CBFA2T2: variants seen among roughly 807,000 people sequenced by gnomAD.
CBFA2T2 encodes the protein protein CBFA2T2.
Under a neutral mutation model 62.2 loss-of-function variants are expected in CBFA2T2, and 11 were observed. The observed-to-expected ratio is 0.18, with a 90% CI of 0.11 to 0.29. The LOEUF (loss-of-function observed/expected upper bound fraction) is 0.29, where lower values mean the gene tolerates loss of function less well. Ranked by LOEUF, CBFA2T2 falls within the 10% of genes least tolerant of loss-of-function variation. CBFA2T2 has a pLI of 1.00. For missense variants in CBFA2T2, 592 were observed against 774.1 expected (o/e 0.76, Z 2.79); for synonymous variants, 295 against 287.5 (o/e 1.03, Z -0.27).
intron 1 of CBFA2T2, among the ~76,000 whole-genome samples, chr20:33,544,579 G>A (rs917356870): frequency 6.6e-6 from 1 of 151,632 alleles, no homozygotes; most frequent in Admixed American, 6.6e-5. Context: ...ATGGAGTCTC[G>A]CTCTGTCACC....
intron 3 of CBFA2T2, among the ~76,000 whole-genome samples, chr20:33,614,593 C>T (rs1395792022): frequency 6.6e-6 from 1 of 152,166 alleles, no homozygotes; most frequent in East Asian, 1.9e-4. Flanking sequence ...TGGCAATTAC[C>T]ATTCTACTTT....
rs183389044 is a variant in CBFA2T2, at chr20:33,548,463, C to T, written c.34+58162C>T. On this transcript the variant is annotated intron_variant, in intron 1 of 10. Coordinates refer to ENST00000342704, the MANE Select transcript of CBFA2T2 (RefSeq NM_001032999.3). Reference sequence around the variant, plus strand: ...TTCACCATGTTGGCCAGGCTGGTCTCGAACTCCTGACCTCAGGTGATCTGC... The same window carrying T: ...TTCACCATGTTGGCCAGGCTGGTCTTGAACTCCTGACCTCAGGTGATCTGC... Among the ~76,000 whole-genome samples, 726 of 151,350 alleles carry T rather than the reference C, an allele frequency of 4.8e-3. 9 individuals are homozygous for T. Among genetic ancestry groups the T allele is most frequent in the African/African-American group, 0.016 (667 of 41,242 alleles).
At chr20:33,603,295 C>G (rs749109954) in intron 1 of CBFA2T2, among the ~76,000 whole-genome samples, 1 of 152,132 alleles carries the variant, frequency 6.6e-6, no homozygotes, top group Non-Finnish European at 1.5e-5. Flanking sequence ...TTTATTCTTT[C>G]ATCTGTTTTC....
At chr20:33,558,508 G>T (rs1030142042) in intron 1 of CBFA2T2, among the ~76,000 whole-genome samples, 2 of 152,052 alleles carry the variant, frequency 1.3e-5, no homozygotes, top group Non-Finnish European at 2.9e-5. Context: ...AATCTGGATT[G>T]CTTGGACTAT....
intron 1 of CBFA2T2, among the ~76,000 whole-genome samples, chr20:33,530,084 G>T (rs747905631): frequency 4.0e-5 from 6 of 151,704 alleles, no homozygotes; most frequent in Admixed American, 2.0e-4. Context: ...ACCTCGCCTG[G>T]CCTATTTTAT....
intron 4 of CBFA2T2, 149 bp downstream of exon 4, chr20:33,619,755 A>G (rs1380767533): frequency 1.4e-5 from 8 of 571,432 alleles, no homozygotes; most frequent in Non-Finnish European, 3.0e-6. Context: ...GTTAACAGAT[A>G]AACGTCAGGT....
At chr20:33,614,512 A>G (rs1026283915) in intron 3 of CBFA2T2, among the ~76,000 whole-genome samples, 1 of 152,174 alleles carries the variant, frequency 6.6e-6, no homozygotes, top group Non-Finnish European at 1.5e-5. Context: ...ATCCATCTCC[A>G]AAACTCTTTT....
In CBFA2T2 at chr20:33,623,157, C is replaced by T. The variant is rs1026749986; in HGVS notation, c.553C>T (p.Arg185Trp). ...LLQRELLHCA[R>W]AAKQTPSQYL... ...GCAGCGGGAACTGCTGCACTGCGCT[C>T]GGGCGGCCAAGCAGACCCCATCCCA... The change falls in exon 5 of 11, where the codon CGG (arginine) becomes TGG (tryptophan). Residue 185 changes from arginine to tryptophan, a missense_variant. By Grantham distance (101) the Arg-to-Trp change is moderately radical (BLOSUM62 -3). This residue lies in a region of CBFA2T2 where 449 missense variants were observed against 551.2 expected (regional missense o/e 0.81). Coordinates refer to ENST00000342704, the MANE Select transcript of CBFA2T2 (RefSeq NM_001032999.3). 4.3e-6 allele frequency: 7 copies of T among 1,614,252 alleles called. No homozygotes were observed. The highest frequency in any genetic ancestry group is 3.3e-5 in the South Asian group (3 of 91,082).
intron 1 of CBFA2T2, among the ~76,000 whole-genome samples, chr20:33,596,919 G>GT (rs59278499): frequency 0.053 from 6,601 of 125,312 alleles, 295 homozygotes; most frequent in Admixed American, 0.15. Context: ...CTTGACCTCT[G>GT]TTTTTTTTTT....
chr20:33,640,222 C>T, intron 9 of CBFA2T2, 119 bp from the exon 10 acceptor site: 1 of 918,940 alleles, frequency 1.1e-6, no homozygotes. Context: ...TCATGTGTTC[C>T]TCCCTGTGGA....
intron 1 of CBFA2T2, among the ~76,000 whole-genome samples, chr20:33,492,771 A>G (rs532662316): frequency 6.6e-6 from 1 of 152,114 alleles, no homozygotes; most frequent in South Asian, 2.1e-4. Context: ...TCAGCCATCC[A>G]AATTGCTGGG....
At chr20:33,597,893 G>A (rs551826938) in intron 1 of CBFA2T2, among the ~76,000 whole-genome samples, 6 of 151,304 alleles carry the variant, frequency 4.0e-5, no homozygotes, top group South Asian at 2.1e-4. Context: ...CTTTAGCATC[G>A]GCCAGCTTGA....
chr20:33,624,807 C>A lies in CBFA2T2; in HGVS notation c.736C>A (p.Pro246Thr), dbSNP rs1434019047. ...SFDRDTIAPE[P>T]PAKRVCTISP... ...TGATAGAGACACAATTGCTCCTGAGCCTCCTGCCAAGAGAGTATGTACCAT... is the reference window on the plus strand; with the variant it reads ...TGATAGAGACACAATTGCTCCTGAGACTCCTGCCAAGAGAGTATGTACCAT... The change falls in exon 6 of 11, where the codon CCT (proline) becomes ACT (threonine). Residue 246 changes from proline (P) to threonine (T), a missense_variant. Coordinates refer to ENST00000342704, the MANE Select transcript of CBFA2T2 (RefSeq NM_001032999.3). 1 of 1,614,168 alleles carries A rather than the reference C, an allele frequency of 6.2e-7. No homozygotes were observed.
intron 1 of CBFA2T2, among the ~76,000 whole-genome samples, chr20:33,551,495 T>C (rs990775444): frequency 4.0e-5 from 6 of 151,828 alleles, no homozygotes; most frequent in African/African-American, 7.3e-5. Context: ...GGATTACAGG[T>C]GTGAGCCACC....
intron 1 of CBFA2T2, among the ~76,000 whole-genome samples, chr20:33,564,767 G>T (rs2146896018): frequency 6.6e-6 from 1 of 151,740 alleles, no homozygotes; most frequent in East Asian, 1.9e-4. Flanking sequence ...TTTTATACAG[G>T]TGGGGTTTTG....
chr20:33,510,684 A>G (rs1028861400), intron 1 of CBFA2T2, among the ~76,000 whole-genome samples: 1 of 152,128 alleles, frequency 6.6e-6, no homozygotes, highest in African/African-American at 2.4e-5. Flanking sequence ...TGGTATTTCT[A>G]GTTCTAGATC....
Position 33,646,686 on chromosome 20 carries a change from T to C in CBFA2T2, c.*2040T>C, listed in dbSNP as rs544203386. The C allele has an allele frequency of 6.6e-6, 1 of 151,316 alleles. No individual in the cohort carries two copies. The highest frequency in any genetic ancestry group is 1.5e-5 in the Non-Finnish European group (1 of 67,834). 9.4% of individuals were successfully genotyped at this position (151,316 alleles called of 1,614,324 possible). A position where few individuals can be genotyped will look rare whatever the true frequency, so the allele number is the denominator to read the frequency against. On this transcript the variant is annotated 3_prime_UTR_variant, in exon 11 of 11. Coordinates refer to ENST00000342704, the MANE Select transcript of CBFA2T2 (RefSeq NM_001032999.3). ...ACCTGGCCAACATGGTGAAACCCTG[T>C]CTCTAATAAAAAAAAAATAGAAAAA... is the stretch of plus-strand genomic sequence containing the variant.
rs146116394 is a variant in CBFA2T2 at position 33,544,791 on chromosome 20, C to T, written c.34+54490C>T. Among the ~76,000 whole-genome samples the T allele has an allele frequency of 4.9e-3, 746 of 152,206 alleles. 9 individuals carry two copies. Among genetic ancestry groups the T allele is most frequent in the African/African-American group, 0.016 (682 of 41,510 alleles). On this transcript the variant is annotated intron_variant, in intron 1 of 10. Transcript: ENST00000342704. ...TGAACTCCTGACCTCATGATCCCCCCGCCTCAGCCTCCCAAAATGCTGGAA... is the reference window on the plus strand; with the variant it reads ...TGAACTCCTGACCTCATGATCCCCCTGCCTCAGCCTCCCAAAATGCTGGAA...
At chr20:33,567,594 T>A (rs79070131) in intron 1 of CBFA2T2, among the ~76,000 whole-genome samples, 4 of 151,530 alleles carry the variant, frequency 2.6e-5, no homozygotes, top group African/African-American at 7.3e-5. Context: ...TTTTTTTTTT[T>A]AATTTGAGAC....
Sources: allele counts gnomAD v4.1 joint callset (sites outside exome capture counted in the v4.1 genomes callset), GRCh38; gene constraint gnomAD v4.1.1; regional missense constraint gnomAD v4.1.1; transcripts MANE v1.5; gene names NCBI Gene and HGNC (gene_info 2026-07-23, HGNC 2026-07-21).